The following RANBP2 variants were observed in gnomAD, a reference collection of about 807,000 sequenced individuals.
The protein encoded by RANBP2 is RAN binding protein 2, also known as E3 SUMO-protein ligase RanBP2.
Under a neutral mutation model 303.6 loss-of-function variants are expected in RANBP2, and 57 were observed. The observed-to-expected ratio is 0.19, with a 90% CI of 0.15 to 0.23. The LOEUF (loss-of-function observed/expected upper bound fraction) is 0.23. RANBP2 is among the 10% of genes least tolerant of loss of function. The pLI, the probability that RANBP2 is intolerant of heterozygous loss-of-function variation, is 1.00. For synonymous variants in RANBP2, 1,167 were observed against 1,301.5 expected (o/e 0.90, Z 2.23); for missense variants, 3,138 against 3,780.8 (o/e 0.83, Z 4.46).
the RANBP2 span, among the ~76,000 whole-genome samples, chr2:109,478,849 C>T: frequency 6.6e-6 from 1 of 152,168 alleles, no homozygotes; most frequent in African/African-American, 2.4e-5. Context: ...CAAATCATCT[C>T]AAAACTCAGT....
the RANBP2 span, among the ~76,000 whole-genome samples, chr2:109,162,494 A>C: frequency 6.6e-6 from 1 of 152,168 alleles, no homozygotes; most frequent in Non-Finnish European, 1.5e-5. Flanking sequence ...TACATGTGCC[A>C]TGTTGGTGTG....
the RANBP2 span, among the ~76,000 whole-genome samples, chr2:109,250,861 A>G: frequency 2.0e-5 from 3 of 152,158 alleles, no homozygotes; most frequent in African/African-American, 7.2e-5. Flanking sequence ...AGGTAGAACA[A>G]AAAATCAAAT....
At chr2:108,723,165 TGACAGCTGTTA>T (rs1043428457) in intron 1 of RANBP2, among the ~76,000 whole-genome samples, 3 of 152,042 alleles carry the variant, frequency 2.0e-5, no homozygotes, top group Admixed American at 6.5e-5. Context: ...CAGGCACCTT[TGACAGCTGTTA>T]GTTGTTTTTT....
chr2:109,658,515 C>T, the RANBP2 span, among the ~76,000 whole-genome samples: 1 of 152,120 alleles, frequency 6.6e-6, no homozygotes, highest in Admixed American at 6.5e-5. Flanking sequence ...ACCACGATAT[C>T]TAGAGATAAG....
At chr2:109,564,305 T>C in the RANBP2 span, 3 of 1,395,762 alleles carry the variant, frequency 2.1e-6, no homozygotes, top group Non-Finnish European at 2.8e-6. Context: ...CCTGGATATA[T>C]AAAAATATGC....
chr2:109,517,260 C>G, the RANBP2 span, among the ~76,000 whole-genome samples: 1 of 152,184 alleles, frequency 6.6e-6, no homozygotes, highest in African/African-American at 2.4e-5. Flanking sequence ...ACGCCATCGC[C>G]CATGACTTCA....
chr2:109,614,760 T>TC, the RANBP2 span: 1 of 1,479,082 alleles, frequency 6.8e-7, no homozygotes. Flanking sequence ...GTCCGAGCCC[T>TC]CCGGGGACCC....
chr2:108,825,895 G>C, the RANBP2 span, among the ~76,000 whole-genome samples: 1 of 152,144 alleles, frequency 6.6e-6, no homozygotes. Flanking sequence ...GTCTGCAGAA[G>C]TTTCGATTTC....
chr2:108,898,437 C>A, the RANBP2 span, among the ~76,000 whole-genome samples: 1 of 152,060 alleles, frequency 6.6e-6, no homozygotes, highest in African/African-American at 2.4e-5. Flanking sequence ...AAGACAGCAC[C>A]CTCATTCTCC....
chr2:108,993,531 T>C, the RANBP2 span, among the ~76,000 whole-genome samples: 1 of 152,144 alleles, frequency 6.6e-6, no homozygotes, highest in Non-Finnish European at 1.5e-5. Context: ...GGGGAGTATT[T>C]GCACAGAGGG....
At chr2:109,266,052 G>T in the RANBP2 span, among the ~76,000 whole-genome samples, 1 of 152,038 alleles carries the variant, frequency 6.6e-6, no homozygotes, top group Non-Finnish European at 1.5e-5. Context: ...TGTTGTATGT[G>T]CATGTGTGCT....
chr2:108,861,555 A>C, the RANBP2 span, among the ~76,000 whole-genome samples: 1 of 143,080 alleles, frequency 7.0e-6, no homozygotes, highest in Non-Finnish European at 1.5e-5. Context: ...ATCTTGGCTC[A>C]CTGCAACCTC....
At chr2:109,314,902 C>A in the RANBP2 span, among the ~76,000 whole-genome samples, 1 of 152,296 alleles carries the variant, frequency 6.6e-6, no homozygotes, top group Admixed American at 6.5e-5. Context: ...GCTAAGCCCT[C>A]GCTGGTGACC....
At chr2:108,800,640 A>AAT in the RANBP2 span, among the ~76,000 whole-genome samples, 1 of 32,292 alleles carries the variant, frequency 3.1e-5, no homozygotes, top group East Asian at 1.1e-3. Context: ...TTTTTTTTTA[A>AAT]TTATACTTTA....
At chr2:109,342,009 A>G in the RANBP2 span, among the ~76,000 whole-genome samples, 6 of 152,214 alleles carry the variant, frequency 3.9e-5, no homozygotes, top group Admixed American at 1.3e-4. Flanking sequence ...TGTGTATACA[A>G]TTAGGGTCTC....
At chr2:108,969,375 C>T in the RANBP2 span, among the ~76,000 whole-genome samples, 5 of 152,126 alleles carry the variant, frequency 3.3e-5, no homozygotes, top group East Asian at 1.9e-4. Context: ...TGGCTAAGTT[C>T]GGATGGTTGT....
chr2:109,459,283 A>G, the RANBP2 span, among the ~76,000 whole-genome samples: 156 of 152,270 alleles, frequency 1.0e-3, 4 homozygotes, highest in Admixed American at 0.01. Context: ...AATACTTACA[A>G]CAGTTACAAT....
At chr2:109,350,769 T>C in the RANBP2 span, among the ~76,000 whole-genome samples, 1 of 152,216 alleles carries the variant, frequency 6.6e-6, no homozygotes, top group South Asian at 2.1e-4. Flanking sequence ...AGGAACCAAA[T>C]GATTCCAGTG....
chr2:109,052,673 T>C, the RANBP2 span, among the ~76,000 whole-genome samples: 1 of 152,198 alleles, frequency 6.6e-6, no homozygotes, highest in African/African-American at 2.4e-5. Context: ...CTAATTTTTG[T>C]ATTTTTAGTA....
Sources: gnomAD v4.1 joint callset for allele counts (sites outside exome capture counted in the v4.1 genomes callset) on GRCh38, gnomAD v4.1.1 for gene constraint, MANE v1.5 for transcripts, NCBI Gene and HGNC (gene_info 2026-07-23, HGNC 2026-07-21) for gene names.